The following TUSC3 variants were observed in gnomAD, a reference collection of about 807,000 sequenced individuals.
TUSC3 encodes tumor suppressor candidate 3, also known as dolichyl-diphosphooligosaccharide--protein glycosyltransferase subunit TUSC3.
A neutral mutation model predicts 44.8 loss-of-function variants in TUSC3; 45 were observed. That is an observed-to-expected ratio of 1.00 (90% CI 0.79 to 1.29). TUSC3 has a LOEUF of 1.29. Ranked by LOEUF, TUSC3 falls within the 50% of genes most tolerant of loss-of-function variation. The probability of loss-of-function intolerance (pLI) is 0.00; values close to 1 mark genes in which losing one functional copy is unlikely to be tolerated. For missense variants in TUSC3, 519 were observed against 437.9 expected, an observed-to-expected ratio of 1.19 and a Z score of -1.65; for synonymous variants, 212 against 152.9, an observed-to-expected ratio of 1.39 and a Z score of -2.85.
At chr8:15,612,284 C>T (rs540588836) in intron 1 of TUSC3, among the ~76,000 whole-genome samples, 6 of 152,208 alleles carry the variant, frequency 3.9e-5, no homozygotes, top group African/African-American at 1.4e-4. Context: ...AGACATGAGA[C>T]CACATATCTT....
At chr8:15,710,754 T>A (rs1054439700) in intron 6 of TUSC3, among the ~76,000 whole-genome samples, 2 of 150,904 alleles carry the variant, frequency 1.3e-5, no homozygotes, top group Non-Finnish European at 3.0e-5. Flanking sequence ...AAATCATAAA[T>A]GTGCAGCTTA....
intron 1 of TUSC3, among the ~76,000 whole-genome samples, chr8:15,578,858 T>A: frequency 6.6e-6 from 1 of 152,082 alleles, no homozygotes; most frequent in Non-Finnish European, 1.5e-5. Context: ...ATTCCCTCTT[T>A]TTCTATTGAT....
At chr8:15,542,640 A>G (rs1285977569) in intron 1 of TUSC3, among the ~76,000 whole-genome samples, 3 of 152,202 alleles carry the variant, frequency 2.0e-5, no homozygotes, top group East Asian at 3.9e-4. Flanking sequence ...TGACTTTAAT[A>G]TGTGAAAACA....
chr8:15,825,881 GTTTC>G, the TUSC3 span, among the ~76,000 whole-genome samples: 1 of 106,056 alleles, frequency 9.4e-6, no homozygotes, highest in Non-Finnish European at 1.8e-5. Flanking sequence ...ATCAACAGTT[GTTTC>G]TTTTTTTTTT....
intron 1 of TUSC3, among the ~76,000 whole-genome samples, chr8:15,480,385 C>G (rs776272411): frequency 7.9e-5 from 12 of 152,192 alleles, no homozygotes; most frequent in Non-Finnish European, 1.3e-4. Flanking sequence ...CTATACTTGA[C>G]TTTTCCTGGT....
chr8:15,712,946 C>G (rs1039387843), intron 6 of TUSC3, among the ~76,000 whole-genome samples: 1 of 152,124 alleles, frequency 6.6e-6, no homozygotes, highest in African/African-American at 2.4e-5. Context: ...GATAATTACA[C>G]TCTCTAAGGT....
At chr8:15,784,498 ATG>A in the TUSC3 span, among the ~76,000 whole-genome samples, 12,074 of 149,492 alleles carry the variant, frequency 0.081, 657 homozygotes, top group East Asian at 0.18. Flanking sequence ...TGTTATGTGT[ATG>A]TGTGTGTGTG....
intron 1 of TUSC3, among the ~76,000 whole-genome samples, chr8:15,460,125 A>C (rs1483245730): frequency 6.6e-6 from 1 of 152,192 alleles, no homozygotes; most frequent in African/African-American, 2.4e-5. Context: ...TGTTTTCCAC[A>C]GTGGCTGTAC....
chr8:15,639,328 T>C lies in TUSC3; in HGVS notation c.309-11369T>C, dbSNP rs914256785. Among the ~76,000 whole-genome samples the C allele has an allele frequency of 2.0e-5, 3 of 152,254 alleles. 1 individual carries two copies. The highest frequency in any genetic ancestry group is 3.9e-4 in the East Asian group (2 of 5,188). ...CATGTGTTGATGCTAGATCACGTGA[T>C]GTTCAGGGCTTTGGACTTTCTGTGT... On this transcript the variant is annotated intron_variant, in intron 2 of 10. Coordinates refer to ENST00000503731, the MANE Select transcript of TUSC3 (RefSeq NM_006765.4).
upstream of TUSC3, among the ~76,000 whole-genome samples, chr8:15,537,922 A>G (rs760913034): frequency 6.6e-6 from 1 of 152,246 alleles, no homozygotes; most frequent in Non-Finnish European, 1.5e-5. Context: ...TTTATGTCTC[A>G]AGGAAACAGC....
chr8:15,823,775 CA>C, the TUSC3 span, among the ~76,000 whole-genome samples: 1 of 146,890 alleles, frequency 6.8e-6, no homozygotes, highest in Non-Finnish European at 1.5e-5. Context: ...GCAACTAAAT[CA>C]AACAGAGACT....
intron 6 of TUSC3, among the ~76,000 whole-genome samples, chr8:15,675,153 C>T (rs969039833): frequency 3.3e-5 from 5 of 152,056 alleles, no homozygotes; most frequent in Non-Finnish European, 5.9e-5. Flanking sequence ...TGGATTTTAT[C>T]AGGTTTTGTC....
chr8:15,482,304 T>C (rs981066334), intron 1 of TUSC3, among the ~76,000 whole-genome samples: 2 of 152,196 alleles, frequency 1.3e-5, no homozygotes, highest in African/African-American at 4.8e-5. Context: ...ATCAACTTCT[T>C]TCAAACTCCT....
rs182094047 is a variant in TUSC3 at position 15,592,433 on chromosome 8, T to G, written c.139-30647T>G. 3.5e-3 allele frequency among the ~76,000 whole-genome samples: 531 copies of G among 152,294 alleles called. 4 individuals are homozygous for G. The highest frequency in any genetic ancestry group is 0.012 in the African/African-American group (499 of 41,574). On this transcript the variant is annotated intron_variant, in intron 1 of 10. Coordinates refer to ENST00000503731, the MANE Select transcript of TUSC3 (RefSeq NM_006765.4). ...CACCTGGTGGGAGGTGTTTGGGTCA[T>G]GGTGGTGGATCCCTCATGAATGACA...
At chr8:15,816,444 G>C in the TUSC3 span, among the ~76,000 whole-genome samples, 3 of 152,036 alleles carry the variant, frequency 2.0e-5, no homozygotes, top group African/African-American at 7.3e-5. Flanking sequence ...TAAAACTCTT[G>C]ACAATACATT....
At chr8:15,827,632 C>T in the TUSC3 span, among the ~76,000 whole-genome samples, 15 of 151,932 alleles carry the variant, frequency 9.9e-5, no homozygotes, top group African/African-American at 3.4e-4. Context: ...TAATTTTTAC[C>T]CTCAGATTTT....
At chr8:15,702,488 G>C (rs76328414) in intron 6 of TUSC3, among the ~76,000 whole-genome samples, 5,126 of 152,086 alleles carry the variant, frequency 0.034, 251 homozygotes, top group African/African-American at 0.11. Context: ...ACCTTCCAAG[G>C]TTCTCATATC....
intron 1 of TUSC3, among the ~76,000 whole-genome samples, chr8:15,570,915 A>G (rs2129143133): frequency 7.9e-6 from 1 of 126,880 alleles, no homozygotes; most frequent in East Asian, 2.4e-4. Context: ...ATATATTAAA[A>G]CATTTTGCAA....
chr8:15,771,528 G>A (rs1812438693), downstream of TUSC3, among the ~76,000 whole-genome samples: 2 of 152,108 alleles, frequency 1.3e-5, no homozygotes, highest in Admixed American at 6.6e-5. Context: ...TTTGTTTCAT[G>A]TAATTTAAAA....
Sources: allele counts gnomAD v4.1 joint callset (sites outside exome capture counted in the v4.1 genomes callset), GRCh38; gene constraint gnomAD v4.1.1; transcripts MANE v1.5; gene names NCBI Gene and HGNC (gene_info 2026-07-23, HGNC 2026-07-21).